Variants in COLEC10 observed in about 807,000 individuals in gnomAD.
COLEC10 encodes collectin-10.
Under a neutral mutation model 28.4 loss-of-function variants are expected in COLEC10, and 22 were observed. The observed-to-expected ratio is 0.78, with a 90% CI of 0.55 to 1.11. The LOEUF (loss-of-function observed/expected upper bound fraction) is 1.11. COLEC10 is among the 50% of genes least tolerant of loss of function. The probability of loss-of-function intolerance (pLI) is 0.00; values close to 1 mark genes in which losing one functional copy is unlikely to be tolerated. For synonymous variants in COLEC10, 125 were observed against 116.1 expected, an observed-to-expected ratio of 1.08 and a Z score of -0.49; for missense variants, 361 against 344.1, an observed-to-expected ratio of 1.05 and a Z score of -0.39.
At chr8:118,981,439 G>A in the COLEC10 span, among the ~76,000 whole-genome samples, 1 of 151,528 alleles carries the variant, frequency 6.6e-6, no homozygotes, top group Non-Finnish European at 1.5e-5. Flanking sequence ...ATGCTTTTAG[G>A]AATACTATAC....
At chr8:119,062,016 C>G (rs1258470558) in intron 2 of COLEC10, among the ~76,000 whole-genome samples, 1 of 151,922 alleles carries the variant, frequency 6.6e-6, no homozygotes, top group Non-Finnish European at 1.5e-5. Flanking sequence ...TGCAAAAAAA[C>G]CAACACCACA....
intron 1 of COLEC10, among the ~76,000 whole-genome samples, chr8:119,006,292 C>A (rs1308634119): frequency 1.3e-5 from 2 of 152,058 alleles, no homozygotes; most frequent in Non-Finnish European, 2.9e-5. Flanking sequence ...AGACACATAT[C>A]ATAAACTTCC....
At chr8:118,977,186 G>A in the COLEC10 span, among the ~76,000 whole-genome samples, 1 of 144,722 alleles carries the variant, frequency 6.9e-6, no homozygotes, top group African/African-American at 2.5e-5. Context: ...GTGGAAGTCA[G>A]TGTGGCGATT....
chr8:118,969,602 T>C, the COLEC10 span, among the ~76,000 whole-genome samples: 10,428 of 152,002 alleles, frequency 0.069, 629 homozygotes, highest in East Asian at 0.17. Context: ...TGTTTGGAGC[T>C]GGTGAATTCT....
intron 2 of COLEC10, among the ~76,000 whole-genome samples, chr8:119,038,125 G>A (rs368392702): frequency 1.6e-4 from 24 of 152,266 alleles, no homozygotes; most frequent in African/African-American, 5.5e-4. Context: ...TGCTGTTGCT[G>A]AACACAGAGC....
chr8:118,997,509 A>G (rs770295551), intron 1 of COLEC10, among the ~76,000 whole-genome samples: 6 of 152,174 alleles, frequency 3.9e-5, no homozygotes, highest in Admixed American at 3.9e-4. Flanking sequence ...AAGCACTTTA[A>G]TCCTCATGCT....
chr8:119,033,705 A>G (rs1814335198), intron 2 of COLEC10, among the ~76,000 whole-genome samples: 1 of 152,248 alleles, frequency 6.6e-6, no homozygotes, highest in Non-Finnish European at 1.5e-5. Context: ...ATTTCATGCC[A>G]GTTAGAATGG....
At chr8:119,094,576 T>C (rs965539171) in intron 3 of COLEC10, among the ~76,000 whole-genome samples, 1 of 152,152 alleles carries the variant, frequency 6.6e-6, no homozygotes, top group African/African-American at 2.4e-5. Context: ...AAGGGAATCA[T>C]ACTAAGGCAA....
Position 119,105,807 on chromosome 8 carries a change from A to C in COLEC10, c.450A>C (p.Ala150=). Residue 150 remains alanine (A), a synonymous_variant, in exon 6 of 6, where the codon GCA becomes GCC. Coordinates refer to ENST00000332843, the MANE Select transcript of COLEC10 (RefSeq NM_006438.5). The part of the protein sequence containing the change: ...TSMKFVKNVI[A]GIRETEEKFY... The stretch of plus-strand genomic sequence containing the variant: ...CTTTTTCTCTCCCTGCAGTGATAGC[A>C]GGGATTAGGGAAACTGAAGAGAAAT... 1 of 1,609,516 alleles carries C rather than the reference A, an allele frequency of 6.2e-7. No homozygotes were observed. The highest frequency in any genetic ancestry group is 1.1e-5 in the South Asian group (1 of 90,944).
intron 2 of COLEC10, among the ~76,000 whole-genome samples, chr8:119,058,632 T>C (rs1012953403): frequency 1.3e-5 from 2 of 152,132 alleles, no homozygotes; most frequent in African/African-American, 4.8e-5. Flanking sequence ...TAGCATTCCA[T>C]TGTATAGATA....
chr8:119,056,249 C>T (rs564031136), intron 2 of COLEC10, among the ~76,000 whole-genome samples: 2 of 152,140 alleles, frequency 1.3e-5, no homozygotes, highest in Non-Finnish European at 2.9e-5. Context: ...AGGTTGCCTA[C>T]TCAATATCTA....
In COLEC10 at chr8:119,002,171, G is replaced by T. The variant is rs141612348; in HGVS notation, n.122+6598G>T. ...TATATGTGTGTATATAATTTTTAGT[G>T]TATACATTTGTATACTTTATGAGTT... On this transcript the variant is annotated intron_variant and non_coding_transcript_variant, in intron 1 of 6. Coordinates refer to the COLEC10 transcript ENST00000521788. 5.3e-4 allele frequency among the ~76,000 whole-genome samples: 80 copies of T among 152,110 alleles called. No individual in the cohort carries two copies. In the Middle Eastern group the frequency reaches 0.01, roughly 20 times the overall value.
chr8:118,955,387 G>C, the COLEC10 span, among the ~76,000 whole-genome samples: 1 of 152,152 alleles, frequency 6.6e-6, no homozygotes, highest in East Asian at 1.9e-4. Flanking sequence ...ACTTTCTGAT[G>C]ACATCACTTT....
At chr8:119,037,302 T>C (rs1814407165) in intron 2 of COLEC10, among the ~76,000 whole-genome samples, 1 of 152,250 alleles carries the variant, frequency 6.6e-6, no homozygotes, top group Non-Finnish European at 1.5e-5. Flanking sequence ...ATCACACTTT[T>C]ACGGAACACA....
chr8:118,965,104 A>G, the COLEC10 span, among the ~76,000 whole-genome samples: 3 of 152,170 alleles, frequency 2.0e-5, no homozygotes, highest in Non-Finnish European at 2.9e-5. Flanking sequence ...CAAAATACAG[A>G]CAACCCAACT....
intron 1 of COLEC10, among the ~76,000 whole-genome samples, chr8:119,078,433 T>C (rs562642317): frequency 1.3e-5 from 2 of 152,244 alleles, no homozygotes; most frequent in East Asian, 3.9e-4. Flanking sequence ...GAGAAGGTCT[T>C]AGTGGGACAT....
rs537072038 is a variant in COLEC10 at position 119,075,369 on chromosome 8, C to G, written c.148+7940C>G. Reference sequence around the variant, plus strand: ...CAATAGCCTATCATTTAATACAATTCTTTAAATTATATTTTATAGCTTTCT... The same window carrying G: ...CAATAGCCTATCATTTAATACAATTGTTTAAATTATATTTTATAGCTTTCT... On this transcript the variant is annotated intron_variant, in intron 1 of 5. Coordinates refer to ENST00000332843, the MANE Select transcript of COLEC10 (RefSeq NM_006438.5). 3.9e-5 allele frequency among the ~76,000 whole-genome samples: 6 copies of G among 152,250 alleles called. No homozygotes were observed. In the South Asian group the frequency reaches 1.2e-3, roughly 32 times the overall value.
At chr8:118,961,279 C>T in the COLEC10 span, among the ~76,000 whole-genome samples, 3 of 152,054 alleles carry the variant, frequency 2.0e-5, no homozygotes, top group Non-Finnish European at 2.9e-5. Context: ...TAGATTCTCT[C>T]AAAAATCCCA....
At chr8:119,051,588 T>C (rs1272097869) in intron 2 of COLEC10, among the ~76,000 whole-genome samples, 1 of 152,166 alleles carries the variant, frequency 6.6e-6, no homozygotes, top group Admixed American at 6.5e-5. Context: ...AGAATGCTCA[T>C]TAACGCATGA....
Sources: allele counts gnomAD v4.1 joint callset (sites outside exome capture counted in the v4.1 genomes callset), GRCh38; gene constraint gnomAD v4.1.1; transcripts MANE v1.5; gene names NCBI Gene and HGNC (gene_info 2026-07-23, HGNC 2026-07-21).